The following RNF213 variants were observed in gnomAD, a reference collection of about 807,000 sequenced individuals.
RNF213 encodes the protein ring finger protein 213.
In RNF213, 341 loss-of-function variants were observed where a neutral mutation model predicts 514.4. That is an observed-to-expected ratio of 0.66 (90% CI 0.61 to 0.73). RNF213 has a LOEUF of 0.73. RNF213 is among the 30% of genes least tolerant of loss of function. The probability of loss-of-function intolerance (pLI) is 0.00; values close to 1 mark genes in which losing one functional copy is unlikely to be tolerated. For synonymous variants in RNF213, 2,655 were observed against 2,658.2 expected, an observed-to-expected ratio of 1.00 and a Z score of 0.04; for missense variants, 5,767 against 6,615.6, an observed-to-expected ratio of 0.87 and a Z score of 4.45.
intron 10 of RNF213, among the ~76,000 whole-genome samples, chr17:80,298,102 T>C (rs1014672013): frequency 7.2e-5 from 11 of 152,234 alleles, no homozygotes; most frequent in African/African-American, 2.6e-4. Flanking sequence ...CCTGGGAGTT[T>C]GTTGTGGGGA....
rs771572747 is a variant in RNF213, at chr17:80,368,099, T to G, written c.12111T>G (p.Thr4037=). 1 of 1,614,274 alleles carries G rather than the reference T, an allele frequency of 6.2e-7. No individual in the cohort carries two copies. Among genetic ancestry groups the G allele is most frequent in the Admixed American group, 1.7e-5 (1 of 60,030 alleles). The change falls in exon 44 of 68, where the codon ACT becomes ACG. Residue 4037 remains threonine (T), a synonymous_variant. Transcript: ENST00000582970. ...AGATGATATGCCCCTACTGTTTAACTGCCTTGCCAGACGAATTCTCTCCAG... is the reference window on the plus strand; with the variant it reads ...AGATGATATGCCCCTACTGTTTAACGGCCTTGCCAGACGAATTCTCTCCAG... The part of the protein sequence containing the change: ...SEQMICPYCL[T]ALPDEFSPAV...
At chr17:80,355,651 T>G (rs1414415998) in intron 36 of RNF213, among the ~76,000 whole-genome samples, 1 of 13,752 alleles carries the variant, frequency 7.3e-5, no homozygotes, top group Non-Finnish European at 1.4e-4. Flanking sequence ...AGAAGCGGGG[T>G]GGACGGGAAT....
chr17:80,386,207 G>C, intron 61 of RNF213, 43 bp from the exon 62 acceptor site: 1 of 1,588,408 alleles, frequency 6.3e-7, no homozygotes. Flanking sequence ...TCTGTGAGGA[G>C]TTGGAACTCC....
chr17:80,388,698 G>A lies in RNF213; in HGVS notation c.15000+9G>A, dbSNP rs1038798599. On this transcript the variant is annotated intron_variant, in intron 64 of 67. Coordinates refer to ENST00000582970, the MANE Select transcript of RNF213 (RefSeq NM_001256071.3). ...AGAACAAAATGGCACAGGTGATCCC[G>A]ATAAACCTGATCCTGTGCACGGGGC... 6.9e-6 allele frequency: 11 copies of A among 1,588,850 alleles called. No homozygotes were observed. The highest frequency in any genetic ancestry group is 2.7e-5 in the African/African-American group (2 of 74,426).
Position 80,337,839 on chromosome 17 carries a change from C to T in RNF213, c.4675C>T (p.Pro1559Ser), listed in dbSNP as rs2144040319. Residue 1559 changes from proline to serine, a missense_variant, in exon 25 of 68, where the codon CCA (proline) becomes TCA (serine). Transcript: ENST00000582970. Reference protein sequence around the residue: ...QAPKGGQKISPDTVLHLILPE... With the variant: ...QAPKGGQKISSDTVLHLILPE... ...TAACCTATGCTCTTCACAGATTTCC[C>T]CAGACACGGTTCTGCACTTGATCCT... The T allele has an allele frequency of 2.0e-6, 3 of 1,537,066 alleles. No individual in the cohort carries two copies. Among genetic ancestry groups the T allele is most frequent in the Non-Finnish European group, 2.6e-6 (3 of 1,146,732 alleles).
intron 40 of RNF213, 28 bp downstream of exon 40, chr17:80,363,342 C>T: frequency 6.2e-7 from 1 of 1,604,206 alleles, no homozygotes; most frequent in South Asian, 1.1e-5. Flanking sequence ...CTGCCCTGAG[C>T]AAGCCTTGTG....
At chr17:80,382,937 T>C in intron 57 of RNF213, 42 bp from the exon 58 acceptor site, 1 of 1,269,542 alleles carries the variant, frequency 7.9e-7, no homozygotes, top group African/African-American at 1.5e-5. Context: ...TGCTGTGTTC[T>C]TTGTGCCTTG....
intron 66 of RNF213, 21 bp downstream of exon 66, chr17:80,389,938 T>C: frequency 6.2e-7 from 1 of 1,613,658 alleles, no homozygotes; most frequent in Non-Finnish European, 8.5e-7. Context: ...TCTCTTCCTC[T>C]CTGCTGGACA....
intron 3 of RNF213, among the ~76,000 whole-genome samples, chr17:80,275,992 T>C (rs2044039558): frequency 6.6e-6 from 1 of 151,220 alleles, no homozygotes; most frequent in Non-Finnish European, 1.5e-5. Context: ...CTTTTCCATG[T>C]TTTGGCTGTA....
At position 80,373,125 on chromosome 17, in the gene RNF213, C is replaced by T. The variant is rs757820833; in HGVS notation, c.12902C>T (p.Pro4301Leu). ...FVQGLSKPGR[P>L]HQWVFPKDVV... is the part of the protein sequence containing the mutation. Reference sequence around the variant, plus strand: ...CAGGGCCTCTCCAAGCCCGGCCGCCCGCACCAGTGGGTGTTTCCCAAGGAC... The same window carrying T: ...CAGGGCCTCTCCAAGCCCGGCCGCCTGCACCAGTGGGTGTTTCCCAAGGAC... The change falls in exon 49 of 68, where the codon CCG (proline) becomes CTG (leucine). Residue 4301 changes from proline to leucine, a missense_variant. Pro to Leu is a moderately conservative substitution (Grantham distance 98). Around this residue, in one of 13 missense-constraint regions of RNF213, gnomAD observed 1,245 missense variants for 1,339.0 expected, o/e 0.93. Coordinates refer to ENST00000582970, the MANE Select transcript of RNF213 (RefSeq NM_001256071.3). 2.0e-5 allele frequency: 33 copies of T among 1,613,010 alleles called. No individual in the cohort carries two copies. The highest frequency in any genetic ancestry group is 2.4e-5 in the Non-Finnish European group (28 of 1,179,976).
Position 80,383,057 on chromosome 17 carries a change from C to T in RNF213, c.14057C>T (p.Ser4686Phe). 1 of 1,612,986 alleles carries T rather than the reference C, an allele frequency of 6.2e-7. No homozygotes were observed. The highest frequency in any genetic ancestry group is 8.5e-7 in the Non-Finnish European group (1 of 1,178,930). ...GAAAAGGAAATCGCAGCTGTGATTT[C>T]TCCTGAACTGGAGGTAAGCAGTAAG... is the stretch of plus-strand genomic sequence containing the variant. ...NWEKEIAAVISPELEHLDKTL... is the reference protein window; with the variant it reads ...NWEKEIAAVIFPELEHLDKTL... Residue 4686 changes from serine to phenylalanine, a missense_variant, in exon 58 of 68, where the codon TCT (serine) becomes TTT (phenylalanine). Coordinates refer to ENST00000582970, the MANE Select transcript of RNF213 (RefSeq NM_001256071.3).
rs759300901 is a variant in RNF213, at chr17:80,343,826, G to A, written c.6184-31G>A. ...TTGGGAGAACTCGCCATCGTGTCGT[G>A]TGTTTACACCTCGTGCGATTCTGTT... On this transcript the variant is annotated intron_variant, in intron 27 of 67. Coordinates refer to ENST00000582970, the MANE Select transcript of RNF213 (RefSeq NM_001256071.3). This position sits in a 1 kb window ranked among gnomAD's most constrained non-coding sequence, Gnocchi z 4.3. The A allele has an allele frequency of 1.2e-6, 2 of 1,613,508 alleles. No individual in the cohort carries two copies. Among genetic ancestry groups the A allele is most frequent in the South Asian group, 1.1e-5 (1 of 91,054 alleles).
chr17:80,268,890 A>G (rs77927923), intron 2 of RNF213, among the ~76,000 whole-genome samples: 2,892 of 152,250 alleles, frequency 0.019, 59 homozygotes, highest in East Asian at 0.11. Context: ...GGAAAGAAAG[A>G]AGCCAGTAGT....
chr17:80,314,160 TAGGTGATGGTGG>T (rs1413280204), intron 15 of RNF213, among the ~76,000 whole-genome samples: 7 of 34,596 alleles, frequency 2.0e-4, no homozygotes, highest in African/African-American at 3.3e-4. Flanking sequence ...GGTGGTGGTG[TAGGTGATGGTGG>T]AGGTGATGGT....
chr17:80,287,609 A>C (rs2044518678), intron 3 of RNF213, among the ~76,000 whole-genome samples: 1 of 152,224 alleles, frequency 6.6e-6, no homozygotes. Context: ...CGAGCGCTTC[A>C]AGGCCACTTG....
intron 23 of RNF213, chr17:80,336,609 ACGTGG>A: frequency 5.2e-6 from 3 of 573,184 alleles, no homozygotes; most frequent in Admixed American, 5.0e-5. Context: ...TGCAAAACAC[ACGTGG>A]AAAAAAGACA....
chr17:80,389,746 G>A, intron 65 of RNF213, 82 bp from the exon 66 acceptor site: 2 of 1,131,672 alleles, frequency 1.8e-6, no homozygotes, highest in African/African-American at 1.5e-5. Flanking sequence ...CCTGTGTGGA[G>A]AGCACTCAGG....
intron 37 of RNF213, among the ~76,000 whole-genome samples, chr17:80,358,725 G>A (rs138186259): frequency 0.043 from 6,478 of 152,182 alleles, 181 homozygotes; most frequent in South Asian, 0.087. Context: ...CCTGGCCAAC[G>A]TGGTGAAACC....
At chr17:80,383,335 T>G (rs2080099904) in intron 58 of RNF213, among the ~76,000 whole-genome samples, 1 of 152,214 alleles carries the variant, frequency 6.6e-6, no homozygotes, top group Admixed American at 6.5e-5. Context: ...TTCTCTCCAT[T>G]ACTTTTTACA....
Sources: allele counts gnomAD v4.1 joint callset (sites outside exome capture counted in the v4.1 genomes callset), GRCh38; gene constraint gnomAD v4.1.1; regional missense constraint gnomAD v4.1.1; non-coding constraint Gnocchi (gnomAD v3.1); transcripts MANE v1.5; gene names NCBI Gene and HGNC (gene_info 2026-07-23, HGNC 2026-07-21).